CNTNAP2: variants seen among roughly 807,000 people sequenced by gnomAD.
CNTNAP2 encodes the protein contactin-associated protein-like 2.
CNTNAP2 carries 98 observed loss-of-function variants against 155.2 expected under a neutral mutation model. The observed-to-expected ratio is 0.63, with a 90% CI of 0.54 to 0.75. The LOEUF is 0.75. Among genes scored for constraint, CNTNAP2 ranks in the 30% least tolerant of loss-of-function variants. The probability of loss-of-function intolerance (pLI) is 0.00; values close to 1 mark genes in which losing one functional copy is unlikely to be tolerated. For missense variants in CNTNAP2, 1,727 were observed against 1,688.1 expected (o/e 1.02, Z -0.40); for synonymous variants, 651 against 631.2 (o/e 1.03, Z -0.47).
At chr7:147,026,137 C>T (rs187229657) in intron 3 of CNTNAP2, among the ~76,000 whole-genome samples, 3 of 152,086 alleles carry the variant, frequency 2.0e-5, no homozygotes, top group East Asian at 1.9e-4. Context: ...TGGGTGCCAC[C>T]GTGCCCAGCC....
Position 146,774,396 on chromosome 7 carries a change from G to A in CNTNAP2, c.208+15G>A. ...CAAGAGAGGAGGTAAGCCAAATTTT[G>A]ATTCTTTTATCAATAAACATGTTAA... On this transcript the variant is annotated intron_variant, in intron 2 of 23. Coordinates refer to ENST00000361727, the MANE Select transcript of CNTNAP2 (RefSeq NM_014141.6). The A allele has an allele frequency of 1.9e-6, 3 of 1,561,748 alleles. No homozygotes were observed. The highest frequency in any genetic ancestry group is 2.6e-6 in the Non-Finnish European group (3 of 1,133,766).
rs574972437 is a variant in CNTNAP2, at chr7:148,364,448, C to T, written c.3476-19201C>T. Among the ~76,000 whole-genome samples the T allele has an allele frequency of 8.8e-4, 134 of 152,202 alleles. No homozygotes were observed. In the Middle Eastern group the frequency reaches 0.017, roughly 19 times the overall value. On this transcript the variant is annotated intron_variant, in intron 21 of 23. Coordinates refer to ENST00000361727, the MANE Select transcript of CNTNAP2 (RefSeq NM_014141.6). The stretch of plus-strand genomic sequence containing the variant: ...CTGTATCTAGCTGCTCTGGTGAGGA[C>T]GTGGAGAACTTTTATGTATAGCTCA...
chr7:147,374,867 C>T (rs189501887), intron 9 of CNTNAP2, among the ~76,000 whole-genome samples: 2 of 152,080 alleles, frequency 1.3e-5, no homozygotes, highest in Non-Finnish European at 2.9e-5. Context: ...TAATTTCACA[C>T]ATATTTACTC....
At chr7:146,178,269 G>T (rs1296318426) in intron 1 of CNTNAP2, among the ~76,000 whole-genome samples, 1 of 152,140 alleles carries the variant, frequency 6.6e-6, no homozygotes, top group Non-Finnish European at 1.5e-5. Context: ...TACCGACCTC[G>T]TGATCCGCCT....
chr7:147,061,022 C>T (rs896136254), intron 4 of CNTNAP2, among the ~76,000 whole-genome samples: 2 of 152,046 alleles, frequency 1.3e-5, no homozygotes, highest in Middle Eastern at 3.2e-3. Context: ...TTACTATAAT[C>T]GCTGAAAGAC....
At position 147,132,399 on chromosome 7, in the gene CNTNAP2, G is replaced by C; in HGVS notation, c.1238G>C (p.Ser413Thr). ...AACCCCAATGGTCTCCTGGTCTTCA[G>C]TCACTTTGCGGATAATTTGGGCAAT... ...TWNPNGLLVF[S>T]HFADNLGNVE... Residue 413 changes from serine (S) to threonine (T), a missense_variant, in exon 8 of 24, where the codon AGT (serine) becomes ACT (threonine). By Grantham distance (58) the Ser-to-Thr change is moderately conservative (BLOSUM62 1). Transcript: ENST00000361727. 6.2e-7 allele frequency: 1 copy of C among 1,613,652 alleles called. No homozygotes were observed. The highest frequency in any genetic ancestry group is 8.5e-7 in the Non-Finnish European group (1 of 1,179,790).
chr7:147,589,179 A>G (rs1016847654), intron 12 of CNTNAP2, among the ~76,000 whole-genome samples: 2 of 152,196 alleles, frequency 1.3e-5, no homozygotes, highest in African/African-American at 4.8e-5. Context: ...ATTTTGTTTA[A>G]AAAACAAAGA....
At chr7:147,742,712 A>G (rs1221475375) in intron 13 of CNTNAP2, among the ~76,000 whole-genome samples, 1 of 152,216 alleles carries the variant, frequency 6.6e-6, no homozygotes, top group East Asian at 1.9e-4. Flanking sequence ...TTTTCCTACT[A>G]GCTTGGAAAA....
chr7:147,312,261 A>T, intron 9 of CNTNAP2, among the ~76,000 whole-genome samples: 1 of 151,820 alleles, frequency 6.6e-6, no homozygotes, highest in East Asian at 1.9e-4. Context: ...ATTTTATTTT[A>T]TTTTTTATTA....
intron 1 of CNTNAP2, among the ~76,000 whole-genome samples, chr7:146,703,391 T>C (rs1261034715): frequency 6.6e-6 from 1 of 152,162 alleles, no homozygotes; most frequent in Non-Finnish European, 1.5e-5. Flanking sequence ...TTTTTAGAGA[T>C]AAATAACTCT....
chr7:146,802,540 G>T (rs532898012), intron 2 of CNTNAP2, among the ~76,000 whole-genome samples: 64 of 152,054 alleles, frequency 4.2e-4, no homozygotes, highest in Non-Finnish European at 8.8e-4. Context: ...CTGCTTTTAC[G>T]ATAGTGAGTG....
chr7:148,370,694 C>G (rs996471373), intron 21 of CNTNAP2, among the ~76,000 whole-genome samples: 1 of 151,716 alleles, frequency 6.6e-6, no homozygotes, highest in African/African-American at 2.4e-5. Flanking sequence ...GAATGACATC[C>G]AGGATTGAAC....
At chr7:147,393,165 A>G (rs943320737) in intron 9 of CNTNAP2, among the ~76,000 whole-genome samples, 1 of 152,122 alleles carries the variant, frequency 6.6e-6, no homozygotes, top group Non-Finnish European at 1.5e-5. Flanking sequence ...AACGATGTCC[A>G]TCTTGGAATA....
chr7:148,294,699 C>T (rs1797250629), intron 21 of CNTNAP2, among the ~76,000 whole-genome samples: 1 of 152,146 alleles, frequency 6.6e-6, no homozygotes, highest in Non-Finnish European at 1.5e-5. Context: ...AAGCAGCTAA[C>T]TTCTCTTGTC....
chr7:146,600,210 A>G (rs981602227), intron 1 of CNTNAP2, among the ~76,000 whole-genome samples: 20 of 152,130 alleles, frequency 1.3e-4, no homozygotes, highest in Non-Finnish European at 2.6e-4. Context: ...TAGGGCACCC[A>G]TGATACCTGG....
At chr7:146,542,017 T>A (rs1257990511) in intron 1 of CNTNAP2, among the ~76,000 whole-genome samples, 2 of 151,848 alleles carry the variant, frequency 1.3e-5, no homozygotes, top group East Asian at 3.9e-4. Context: ...AAAATAAACA[T>A]TTTTTTTCAG....
At chr7:146,245,547 C>T (rs1329434981) in intron 1 of CNTNAP2, among the ~76,000 whole-genome samples, 1 of 152,048 alleles carries the variant, frequency 6.6e-6, no homozygotes, top group Non-Finnish European at 1.5e-5. Flanking sequence ...GCAGTCCTGG[C>T]TCTTGTGTAA....
At chr7:148,350,328 G>A (rs937621654) in intron 21 of CNTNAP2, among the ~76,000 whole-genome samples, 1 of 152,178 alleles carries the variant, frequency 6.6e-6, no homozygotes, top group Non-Finnish European at 1.5e-5. Flanking sequence ...CTCCAGGCTG[G>A]TTCTCTAATT....
Position 146,117,022 on chromosome 7 carries a change from T to G in CNTNAP2, c.97+49T>G, listed in dbSNP as rs139443887. 736 of 1,482,740 alleles carry G rather than the reference T, an allele frequency of 5.0e-4. 5 individuals carry two copies. In the African/African-American group the frequency reaches 9.4e-3, roughly 19 times the overall value. The allele number at this position is 1,482,740 out of a possible 1,614,324, so 91.8% of individuals were successfully genotyped here. A position where few individuals can be genotyped will look rare whatever the true frequency, so the allele number is the denominator to read the frequency against. On this transcript the variant is annotated intron_variant, in intron 1 of 23. Coordinates refer to ENST00000361727, the MANE Select transcript of CNTNAP2 (RefSeq NM_014141.6). ...GCTCTGGAGCAGTTTCAGTGCGGCA[T>G]TGATGTTTGGCACCAGGGTATCAAC...
Sources: gnomAD v4.1 joint callset for allele counts (sites outside exome capture counted in the v4.1 genomes callset) on GRCh38, gnomAD v4.1.1 for gene constraint, MANE v1.5 for transcripts, NCBI Gene and HGNC (gene_info 2026-07-23, HGNC 2026-07-21) for gene names.